TCF7L1: variants seen among roughly 807,000 people sequenced by gnomAD.
The protein encoded by TCF7L1 is transcription factor 7 like 1.
TCF7L1 carries 18 observed loss-of-function variants against 63.7 expected under a neutral mutation model. The observed-to-expected ratio is 0.28, with a 90% confidence interval of 0.20 to 0.42. TCF7L1 has a LOEUF of 0.42. TCF7L1 is among the 10% of genes least tolerant of loss of function. TCF7L1 has a pLI of 1.00. For missense variants in TCF7L1, 654 were observed against 779.3 expected, an observed-to-expected ratio of 0.84 and a Z score of 1.91; for synonymous variants, 355 against 340.9, an observed-to-expected ratio of 1.04 and a Z score of -0.46.
intron 3 of TCF7L1, among the ~76,000 whole-genome samples, chr2:85,264,261 G>A (rs1680919406): frequency 6.6e-6 from 1 of 152,222 alleles, no homozygotes; most frequent in Admixed American, 6.5e-5. Context: ...GTGACTACGT[G>A]AGTACTCCTG....
intron 3 of TCF7L1, among the ~76,000 whole-genome samples, chr2:85,185,723 G>T (rs1227679211): frequency 1.3e-5 from 2 of 152,128 alleles, no homozygotes; most frequent in African/African-American, 4.8e-5. Flanking sequence ...CCTGGCTTGG[G>T]GTTAGGACAT....
chr2:85,199,524 G>A (rs562582765), intron 3 of TCF7L1, among the ~76,000 whole-genome samples: 17 of 152,142 alleles, frequency 1.1e-4, no homozygotes, highest in Non-Finnish European at 2.1e-4. Flanking sequence ...AGTCAACTGG[G>A]GAGCTTTTGA....
chr2:85,167,845 C>T (rs573494452), intron 3 of TCF7L1, among the ~76,000 whole-genome samples: 1 of 152,100 alleles, frequency 6.6e-6, no homozygotes, highest in Non-Finnish European at 1.5e-5. Context: ...GCTTGGGCAA[C>T]AGAACAAGAC....
chr2:85,150,232 G>A (rs1380247810), intron 3 of TCF7L1, among the ~76,000 whole-genome samples: 2 of 149,752 alleles, frequency 1.3e-5, no homozygotes, highest in Non-Finnish European at 3.0e-5. Context: ...TCATGTTCTT[G>A]ACTCTTTTTT....
At chr2:85,244,854 C>T (rs1174619808) in intron 3 of TCF7L1, among the ~76,000 whole-genome samples, 2 of 152,018 alleles carry the variant, frequency 1.3e-5, no homozygotes, top group African/African-American at 4.8e-5. Context: ...CTTTTGCACA[C>T]TGGAGAGAAG....
intron 3 of TCF7L1, among the ~76,000 whole-genome samples, chr2:85,264,471 G>C (rs867285581): frequency 6.6e-6 from 1 of 152,164 alleles, no homozygotes. Context: ...AGGAACTGGG[G>C]GCTCAGGAAG....
At chr2:85,265,673 G>A (rs1156818961) in intron 3 of TCF7L1, among the ~76,000 whole-genome samples, 3 of 152,124 alleles carry the variant, frequency 2.0e-5, no homozygotes, top group Non-Finnish European at 4.4e-5. Flanking sequence ...GAACGGTTGG[G>A]AAGGTTGTCA....
chr2:85,279,513 A>C (rs574458478), intron 3 of TCF7L1, among the ~76,000 whole-genome samples: 2 of 152,346 alleles, frequency 1.3e-5, no homozygotes, highest in South Asian at 2.1e-4. Context: ...CTAGTACTGC[A>C]GTGGAAGAGG....
intron 3 of TCF7L1, among the ~76,000 whole-genome samples, chr2:85,153,340 A>ATTTTT (rs66697146): frequency 0.18 from 17,849 of 101,780 alleles, 2,537 homozygotes; most frequent in South Asian, 0.22. Context: ...GCCTTTATAA[A>ATTTTT]TTTTTTTTTT....
At position 85,302,545 on chromosome 2, in the gene TCF7L1, C is replaced by A; in HGVS notation, c.587C>A (p.Thr196Asn). Residue 196 changes from threonine to asparagine, a missense_variant, in exon 5 of 12, where the codon ACC becomes AAC. Thr to Asn is a moderately conservative substitution (Grantham distance 65, BLOSUM62 0). This residue lies in a region of TCF7L1 where 404 missense variants were observed against 454.8 expected (regional missense o/e 0.89). Transcript: ENST00000282111. ...ATGCATCCGCTGACTCCCCTCATCA[C>A]CTACAGCAATGACCACTTCTCCCCC... is the stretch of plus-strand genomic sequence containing the variant. ...HHMHPLTPLI[T>N]YSNDHFSPGS... 6.2e-7 allele frequency: 1 copy of A among 1,614,236 alleles called. No individual in the cohort carries two copies.
At chr2:85,188,011 T>A (rs1678963259) in intron 3 of TCF7L1, among the ~76,000 whole-genome samples, 1 of 152,138 alleles carries the variant, frequency 6.6e-6, no homozygotes, top group East Asian at 1.9e-4. Context: ...GAAATGATGC[T>A]GAACGAAAAA....
intron 4 of TCF7L1, among the ~76,000 whole-genome samples, chr2:85,301,906 A>T (rs1039542710): frequency 6.6e-6 from 1 of 152,260 alleles, no homozygotes; most frequent in South Asian, 2.1e-4. Context: ...CGGGTGGATC[A>T]CCTGAGGTCA....
At chr2:85,156,920 G>T (rs1360824894) in intron 3 of TCF7L1, among the ~76,000 whole-genome samples, 1 of 152,160 alleles carries the variant, frequency 6.6e-6, no homozygotes, top group Non-Finnish European at 1.5e-5. Context: ...GACTTGGGTG[G>T]GGCTGGGGGC....
At chr2:85,292,817 A>G (rs367767849) in intron 4 of TCF7L1, among the ~76,000 whole-genome samples, 21 of 152,360 alleles carry the variant, frequency 1.4e-4, no homozygotes, top group East Asian at 9.6e-4. Flanking sequence ...GGCTCACCCA[A>G]TCTGGCTGCC....
chr2:85,256,476 T>C (rs1049007022), intron 3 of TCF7L1, among the ~76,000 whole-genome samples: 2 of 152,200 alleles, frequency 1.3e-5, no homozygotes, highest in Admixed American at 1.3e-4. Flanking sequence ...CTCAGCTGCC[T>C]AGAGGCCTGG....
chr2:85,195,820 T>A (rs1043639105), intron 3 of TCF7L1, among the ~76,000 whole-genome samples: 2 of 152,202 alleles, frequency 1.3e-5, no homozygotes, highest in African/African-American at 4.8e-5. Context: ...GTGCTGGGAT[T>A]ACAGGTGTGA....
At chr2:85,290,217 G>A (rs1681674305) in intron 4 of TCF7L1, among the ~76,000 whole-genome samples, 1 of 152,098 alleles carries the variant, frequency 6.6e-6, no homozygotes, top group Non-Finnish European at 1.5e-5. Context: ...CTGACCTCAG[G>A]TGATCTGCCC....
At chr2:85,302,366 A>T in intron 4 of TCF7L1, 118 bp from the exon 5 acceptor site, 1 of 1,405,000 alleles carries the variant, frequency 7.1e-7, no homozygotes, top group Non-Finnish European at 1.0e-6. Flanking sequence ...GACTGTTTTG[A>T]GGACTGAATG....
At position 85,205,402 on chromosome 2, in the gene TCF7L1, G is replaced by T. The variant is rs559048456; in HGVS notation, c.441+70952G>T. Among the ~76,000 whole-genome samples, 9 of 152,236 alleles carry T rather than the reference G, an allele frequency of 5.9e-5. No homozygotes were observed. In the South Asian group the frequency reaches 1.9e-3, roughly 32 times the overall value. On this transcript the variant is annotated intron_variant, in intron 3 of 11. Coordinates refer to ENST00000282111, the MANE Select transcript of TCF7L1 (RefSeq NM_031283.3). ...TGTAGCAATACCATACTTCTGTATGGCCAATTGTCAACTAAAGCCTGTATC... is the reference window on the plus strand; with the variant it reads ...TGTAGCAATACCATACTTCTGTATGTCCAATTGTCAACTAAAGCCTGTATC...
Sources: allele counts gnomAD v4.1 joint callset (sites outside exome capture counted in the v4.1 genomes callset), GRCh38; gene constraint gnomAD v4.1.1; regional missense constraint gnomAD v4.1.1; transcripts MANE v1.5; gene names NCBI Gene and HGNC (gene_info 2026-07-23, HGNC 2026-07-21).